The following NRP1 variants were observed in gnomAD, a reference collection of about 807,000 sequenced individuals.
NRP1 encodes neuropilin 1.
In NRP1, 35 loss-of-function variants were observed where a neutral mutation model predicts 106.7. That is an observed-to-expected ratio of 0.33 (90% CI 0.25 to 0.43). The LOEUF is 0.43. NRP1 is among the 20% of genes least tolerant of loss of function. The pLI, the probability that NRP1 is intolerant of heterozygous loss-of-function variation, is 1.00. For synonymous variants in NRP1, 437 were observed against 417.9 expected, an observed-to-expected ratio of 1.05 and a Z score of -0.56; for missense variants, 1,024 against 1,170.4, an observed-to-expected ratio of 0.87 and a Z score of 1.83.
At chr10:33,263,287 C>T (rs1015028704) in intron 4 of NRP1, among the ~76,000 whole-genome samples, 2 of 152,160 alleles carry the variant, frequency 1.3e-5, no homozygotes, top group African/African-American at 4.8e-5. Context: ...AGAGCCCATC[C>T]TCTTACAATC....
At chr10:33,285,843 C>CAAAAT (rs1844488203) in intron 2 of NRP1, among the ~76,000 whole-genome samples, 1 of 151,378 alleles carries the variant, frequency 6.6e-6, no homozygotes, top group South Asian at 2.1e-4. Flanking sequence ...AAAAACAAAA[C>CAAAAT]AAAACAAAAC....
intron 2 of NRP1, among the ~76,000 whole-genome samples, chr10:33,302,699 T>A (rs1296788142): frequency 6.6e-6 from 1 of 152,144 alleles, no homozygotes; most frequent in Non-Finnish European, 1.5e-5. Context: ...GGTCCCCTCC[T>A]GGTTAGCAGC....
chr10:33,308,467 G>A (rs1204399362), intron 2 of NRP1, among the ~76,000 whole-genome samples: 5 of 151,446 alleles, frequency 3.3e-5, no homozygotes, highest in Non-Finnish European at 7.4e-5. Flanking sequence ...TAGGATAAAA[G>A]CTGTCTATAG....
At chr10:33,251,438 G>A (rs1036826982) in intron 6 of NRP1, among the ~76,000 whole-genome samples, 2 of 152,268 alleles carry the variant, frequency 1.3e-5, no homozygotes, top group South Asian at 2.1e-4. Flanking sequence ...TTCAGAGGAC[G>A]CTGTCCCCCA....
In NRP1 at chr10:33,213,521, C is replaced by T. The variant is rs1039712159; in HGVS notation, c.1479G>A (p.Lys493=). 6.2e-7 allele frequency: 1 copy of T among 1,614,068 alleles called. No individual in the cohort carries two copies. Among genetic ancestry groups the T allele is most frequent in the Non-Finnish European group, 8.5e-7 (1 of 1,180,008 alleles). Residue 493 remains lysine, a synonymous_variant, in exon 9 of 17, where the codon AAG becomes AAA. Coordinates refer to ENST00000374867, the MANE Select transcript of NRP1 (RefSeq NM_003873.7). ...EWLQIDLGEE[K]IVRGIIIQGG... The stretch of plus-strand genomic sequence containing the variant: ...CCTGAATGATGATGCCCCTCACGAT[C>T]TTCTCCTCCCCCAGGTCTATTTGGA...
chr10:33,309,661 C>T (rs1197295290), intron 2 of NRP1, among the ~76,000 whole-genome samples: 2 of 152,230 alleles, frequency 1.3e-5, no homozygotes, highest in Admixed American at 6.5e-5. Flanking sequence ...ACTGTTGTAA[C>T]TGGTACCTCT....
intron 6 of NRP1, among the ~76,000 whole-genome samples, chr10:33,230,103 C>A (rs575307815): frequency 1.3e-5 from 2 of 152,262 alleles, no homozygotes; most frequent in East Asian, 3.9e-4. Context: ...TAGTGTGCAA[C>A]CCTCACTGCT....
chr10:33,331,685 A>C (rs1848297108), intron 1 of NRP1, among the ~76,000 whole-genome samples: 1 of 152,220 alleles, frequency 6.6e-6, no homozygotes, highest in Non-Finnish European at 1.5e-5. Context: ...TGAGCTAAGT[A>C]GTTTTGAGCC....
intron 4 of NRP1, among the ~76,000 whole-genome samples, chr10:33,261,674 G>C (rs568377540): frequency 6.6e-6 from 1 of 152,252 alleles, no homozygotes; most frequent in African/African-American, 2.4e-5. Context: ...GAGGAACATA[G>C]CTAAATTGAA....
chr10:33,218,856 C>T (rs1007987073), intron 8 of NRP1, among the ~76,000 whole-genome samples: 1 of 152,084 alleles, frequency 6.6e-6, no homozygotes, highest in Non-Finnish European at 1.5e-5. Context: ...CATAAAACTG[C>T]ACTTCCTTCA....
intron 2 of NRP1, among the ~76,000 whole-genome samples, chr10:33,325,551 T>A (rs1209640364): frequency 6.6e-6 from 1 of 152,178 alleles, no homozygotes; most frequent in Non-Finnish European, 1.5e-5. Context: ...GCGGGAATAA[T>A]CAGATTTGAG....
intron 9 of NRP1, among the ~76,000 whole-genome samples, chr10:33,207,957 A>C (rs1837940961): frequency 6.6e-6 from 1 of 151,938 alleles, no homozygotes; most frequent in Non-Finnish European, 1.5e-5. Flanking sequence ...ATGGGGTCTC[A>C]CTCTGTCGCC....
chr10:33,256,430 C>T lies in NRP1; in HGVS notation c.700G>A (p.Gly234Ser). 6.2e-7 allele frequency: 1 copy of T among 1,614,186 alleles called. No homozygotes were observed. The highest frequency in any genetic ancestry group is 8.5e-7 in the Non-Finnish European group (1 of 1,180,014). ...IGRYCGQKTP[G>S]RIRSSSGILS... is the part of the protein sequence containing the mutation. The stretch of plus-strand genomic sequence containing the variant: ...ATGCCCGATGAGGATCGGATTCGAC[C>T]TGGTGTTTTCTGTCCACAGTAACGC... The change falls in exon 5 of 17, where the codon GGT (glycine) becomes AGT (serine). Residue 234 changes from glycine to serine, a missense_variant. Around this residue, in one of 5 missense-constraint regions of NRP1, gnomAD observed 279 missense variants for 327.4 expected, o/e 0.85. Transcript: ENST00000374867.
chr10:33,320,131 G>A (rs1159330273), intron 2 of NRP1, among the ~76,000 whole-genome samples: 1 of 151,652 alleles, frequency 6.6e-6, no homozygotes, highest in East Asian at 2.0e-4. Context: ...TGACCAACAT[G>A]GGGAAACCCC....
At chr10:33,198,616 T>G (rs952705551) in intron 11 of NRP1, among the ~76,000 whole-genome samples, 1 of 152,124 alleles carries the variant, frequency 6.6e-6, no homozygotes, top group African/African-American at 2.4e-5. Flanking sequence ...ACCTTCTCGG[T>G]GACTTGGGTA....
intron 6 of NRP1, among the ~76,000 whole-genome samples, chr10:33,234,918 G>C (rs1041688939): frequency 8.5e-5 from 13 of 152,166 alleles, no homozygotes; most frequent in African/African-American, 2.9e-4. Context: ...GGCAGTGGAA[G>C]GGCTGGCTTC....
intron 9 of NRP1, 77 bp from the exon 10 acceptor site, chr10:33,207,793 C>T: frequency 6.6e-7 from 1 of 1,503,880 alleles, no homozygotes; most frequent in Non-Finnish European, 9.1e-7. Context: ...TTCTTCCCTC[C>T]TTCAGGACTC....
At chr10:33,235,661 T>A (rs1440521345) in intron 6 of NRP1, among the ~76,000 whole-genome samples, 2 of 152,144 alleles carry the variant, frequency 1.3e-5, no homozygotes, top group Admixed American at 6.5e-5. Context: ...CTCTCTTACT[T>A]GATAAACCCG....
At chr10:33,207,542 A>C in intron 10 of NRP1, 30 bp downstream of exon 10, 4 of 1,612,584 alleles carry the variant, frequency 2.5e-6, no homozygotes, top group Non-Finnish European at 3.4e-6. Context: ...TTAAAAACGC[A>C]TGAGAAGTAA....
Sources: allele counts gnomAD v4.1 joint callset (sites outside exome capture counted in the v4.1 genomes callset), GRCh38; gene constraint gnomAD v4.1.1; regional missense constraint gnomAD v4.1.1; transcripts MANE v1.5; gene names NCBI Gene and HGNC (gene_info 2026-07-23, HGNC 2026-07-21).